Variants in CSMD2 observed in about 807,000 individuals in gnomAD.
CSMD2 encodes CUB and Sushi multiple domains 2.
In CSMD2, 130 loss-of-function variants were observed where a neutral mutation model predicts 398.5. The observed-to-expected ratio is 0.33, with a 90% confidence interval of 0.28 to 0.38. The LOEUF (loss-of-function observed/expected upper bound fraction) is 0.38, where lower values mean the gene tolerates loss of function less well. CSMD2 is among the 10% of genes least tolerant of loss of function. CSMD2 has a pLI of 1.00. For synonymous variants in CSMD2, 1,828 were observed against 1,908.5 expected (o/e 0.96, Z 1.10); for missense variants, 3,829 against 4,764.9 (o/e 0.80, Z 5.78).
At chr1:33,921,325 G>A (rs1422696555) in intron 4 of CSMD2, among the ~76,000 whole-genome samples, 2 of 152,212 alleles carry the variant, frequency 1.3e-5, no homozygotes, top group African/African-American at 4.8e-5. Flanking sequence ...AGGCTATGAT[G>A]TCTGACATCT....
chr1:34,165,168 G>C lies in CSMD2; in HGVS notation c.-71C>G. On this transcript the variant is annotated 5_prime_UTR_variant, in exon 1 of 71. Coordinates refer to ENST00000373381, the MANE Select transcript of CSMD2 (RefSeq NM_001281956.2). ...GAGAAAGGAGGTCAGGAGAGCTCTG[G>C]AGCTTTTTTCTGCTCGGAAAAAATC... The C allele has an allele frequency of 2.5e-6, 3 of 1,195,380 alleles. No homozygotes were observed. The highest frequency in any genetic ancestry group is 3.1e-6 in the Non-Finnish European group (3 of 964,624). 74.0% of individuals were successfully genotyped at this position (1,195,380 alleles called of 1,614,324 possible). A position where few individuals can be genotyped will look rare whatever the true frequency, so the allele number is the denominator to read the frequency against.
In CSMD2 at chr1:33,662,950, C is replaced by T. The variant is rs753448756; in HGVS notation, c.4195G>A (p.Val1399Ile). The change falls in exon 26 of 71, where the codon GTC becomes ATC. Residue 1399 changes from valine to isoleucine, a missense_variant. This residue lies in a region of CSMD2 where 2,001 missense variants were observed against 2,567.1 expected (regional missense o/e 0.78). Coordinates refer to ENST00000373381, the MANE Select transcript of CSMD2 (RefSeq NM_001281956.2). ...KDLHSTFNSVVLQFSTDFFTS... is the reference protein window; with the variant it reads ...KDLHSTFNSVILQFSTDFFTS... ...AAGAAGTCAGTGCTGAACTGCAGGA[C>T]GACCGAGTTGAAGGTGCTATGCAGG... The T allele has an allele frequency of 2.7e-5, 44 of 1,614,040 alleles. No homozygotes were observed. The highest frequency in any genetic ancestry group is 8.9e-5 in the East Asian group (4 of 44,888).
In CSMD2 at chr1:33,536,996, G is replaced by A. The variant is rs754884986; in HGVS notation, c.9879+26C>T. On this transcript the variant is annotated intron_variant, in intron 62 of 70. Transcript: ENST00000373381. ...GACAAGAAGGGATAGGATGTAGGAA[G>A]ACCCTATCTTGGCTGACCTCCTTAC... 4 of 1,601,410 alleles carry A rather than the reference G, an allele frequency of 2.5e-6. No homozygotes were observed. In the South Asian group the frequency reaches 4.4e-5, roughly 18 times the overall value.
At chr1:34,064,457 C>T (rs1320906340) in intron 2 of CSMD2, among the ~76,000 whole-genome samples, 1 of 152,076 alleles carries the variant, frequency 6.6e-6, no homozygotes, top group Non-Finnish European at 1.5e-5. Flanking sequence ...GGCAAAATGT[C>T]ACCAGTCTCT....
chr1:33,994,470 CAT>C (rs1646663703), intron 3 of CSMD2, among the ~76,000 whole-genome samples: 1 of 152,104 alleles, frequency 6.6e-6, no homozygotes. Context: ...TTGTCTTTTA[CAT>C]ATGTTTAGGG....
intron 2 of CSMD2, among the ~76,000 whole-genome samples, chr1:34,036,815 TTC>T (rs1651186016): frequency 6.6e-6 from 1 of 152,236 alleles, no homozygotes; most frequent in Non-Finnish European, 1.5e-5. Context: ...CCATATTGAC[TTC>T]TGATTAGCTC....
chr1:34,165,599 A>C (rs190021455), upstream of CSMD2: 35 of 636,722 alleles, frequency 5.5e-5, no homozygotes, highest in East Asian at 3.8e-4. Flanking sequence ...CACACACACA[A>C]ACACACACAC....
In CSMD2 at chr1:33,698,902, A is replaced by C. The variant is rs201041237; in HGVS notation, c.3776T>G (p.Phe1259Cys). The change falls in exon 24 of 71, where the codon TTT (phenylalanine) becomes TGT (cysteine). Residue 1259 changes from phenylalanine to cysteine, a missense_variant. Coordinates refer to ENST00000373381, the MANE Select transcript of CSMD2 (RefSeq NM_001281956.2). ...IKCEDPGTPK[F>C]GYKVHDEGHF... is the part of the protein sequence containing the mutation. The stretch of plus-strand genomic sequence containing the variant: ...ACCTTCATCATGAACCTTGTAGCCA[A>C]ACTTGGGGGTTCCTGGGTCCTCACA... 5 of 1,614,126 alleles carry C rather than the reference A, an allele frequency of 3.1e-6. No homozygotes were observed. Among genetic ancestry groups the C allele is most frequent in the Non-Finnish European group, 3.4e-6 (4 of 1,180,008 alleles).
chr1:34,116,087 T>C lies in CSMD2; in HGVS notation c.188-26894A>G, dbSNP rs546059451. On this transcript the variant is annotated intron_variant, in intron 1 of 70. Coordinates refer to ENST00000373381, the MANE Select transcript of CSMD2 (RefSeq NM_001281956.2). ...ACAGAAAACAATAAGAAAATGGTAA[T>C]AGTAAGTCCTCTATCAGTAATTACT... Among the ~76,000 whole-genome samples, 242 of 152,122 alleles carry C rather than the reference T, an allele frequency of 1.6e-3. 1 individual carries two copies. The highest frequency in any genetic ancestry group is 0.01 in the Middle Eastern group (3 of 294).
upstream of CSMD2, chr1:34,165,697 T>C (rs138102656): frequency 3.2e-6 from 5 of 1,574,926 alleles, no homozygotes; most frequent in East Asian, 2.2e-5. Context: ...GAATCCTGTC[T>C]GGGAAAAGGT....
intron 5 of CSMD2, among the ~76,000 whole-genome samples, chr1:33,911,300 A>G (rs1643431185): frequency 6.6e-6 from 1 of 152,256 alleles, no homozygotes; most frequent in South Asian, 2.1e-4. Flanking sequence ...GTGGATAGTT[A>G]TTATTAACAA....
intron 5 of CSMD2, among the ~76,000 whole-genome samples, chr1:33,906,274 C>G (rs552798732): frequency 6.6e-5 from 10 of 152,322 alleles, no homozygotes; most frequent in Non-Finnish European, 1.0e-4. Flanking sequence ...TCCAGATGGG[C>G]CTTGTGTGCC....
intron 12 of CSMD2, among the ~76,000 whole-genome samples, chr1:33,775,016 G>A (rs1651787159): frequency 6.6e-6 from 1 of 152,200 alleles, no homozygotes; most frequent in Admixed American, 6.5e-5. Flanking sequence ...TCGTGCTGTG[G>A]ATGCACATAG....
intron 2 of CSMD2, among the ~76,000 whole-genome samples, chr1:34,066,875 TGGTGGA>T (rs1343521267): frequency 1.3e-5 from 2 of 152,066 alleles, no homozygotes; most frequent in Non-Finnish European, 2.9e-5. Flanking sequence ...TGAGCAGGAA[TGGTGGA>T]GAGCGACACT....
At position 33,571,557 on chromosome 1, in the gene CSMD2, G is replaced by T; in HGVS notation, c.7932C>A (p.Leu2644=). 6.6e-7 allele frequency: 1 copy of T among 1,520,242 alleles called. No homozygotes were observed. The allele number at this position is 1,520,242 out of a possible 1,614,324, so 94.2% of individuals were successfully genotyped here. The stretch of plus-strand genomic sequence containing the variant: ...TTCGGCAGGTGGGCGTAGAGTCCCC[G>T]AGGCTCCATTTGCCATTGGCCTGAC... ...IRCQANGKWS[L]GDSTPTCRII... The change falls in exon 51 of 71, where the codon CTC becomes CTA. Residue 2644 remains leucine (L), a synonymous_variant. Coordinates refer to ENST00000373381, the MANE Select transcript of CSMD2 (RefSeq NM_001281956.2).
chr1:33,827,967 C>T (rs1465844348), intron 6 of CSMD2, among the ~76,000 whole-genome samples: 2 of 152,176 alleles, frequency 1.3e-5, no homozygotes, highest in Non-Finnish European at 2.9e-5. Context: ...AGGCCAATCC[C>T]CAAATCAAAG....
intron 3 of CSMD2, among the ~76,000 whole-genome samples, chr1:34,015,498 G>T (rs1041032682): frequency 8.5e-5 from 13 of 152,244 alleles, no homozygotes; most frequent in Non-Finnish European, 5.9e-5. Flanking sequence ...CATGGCACTG[G>T]GTCTAGGCTT....
At chr1:33,984,143 G>A (rs1351790086) in intron 3 of CSMD2, among the ~76,000 whole-genome samples, 1 of 143,752 alleles carries the variant, frequency 7.0e-6, no homozygotes, top group African/African-American at 2.7e-5. Flanking sequence ...GACAGAGCGA[G>A]ACTCTGTCTC....
intron 3 of CSMD2, among the ~76,000 whole-genome samples, chr1:33,989,028 A>C (rs1383803448): frequency 1.3e-3 from 27 of 20,080 alleles, no homozygotes; most frequent in African/African-American, 6.0e-3. Context: ...ATATATATAT[A>C]TATATATATA....
Sources: allele counts gnomAD v4.1 joint callset (sites outside exome capture counted in the v4.1 genomes callset), GRCh38; gene constraint gnomAD v4.1.1; regional missense constraint gnomAD v4.1.1; transcripts MANE v1.5; gene names NCBI Gene and HGNC (gene_info 2026-07-23, HGNC 2026-07-21).